Variants in FAM107B observed in about 807,000 individuals in gnomAD.
The protein encoded by FAM107B is protein FAM107B.
FAM107B carries 21 observed loss-of-function variants against 31.5 expected under a neutral mutation model. That is an observed-to-expected ratio of 0.67 (90% confidence interval 0.47 to 0.96). The LOEUF is 0.96. Ranked by LOEUF, FAM107B falls within the 40% of genes least tolerant of loss-of-function variation. The probability of loss-of-function intolerance (pLI) is 0.00; values close to 1 mark genes in which losing one functional copy is unlikely to be tolerated. For missense variants in FAM107B, 452 were observed against 377.1 expected (o/e 1.20, Z -1.64); for synonymous variants, 157 against 141.5 (o/e 1.11, Z -0.78).
intron 2 of FAM107B, among the ~76,000 whole-genome samples, chr10:14,653,476 A>G (rs1473891346): frequency 6.6e-6 from 1 of 152,188 alleles, no homozygotes; most frequent in Non-Finnish European, 1.5e-5. Flanking sequence ...TCAGGAGCAC[A>G]CAGTGGCCTC....
intron 1 of FAM107B, among the ~76,000 whole-genome samples, chr10:14,737,254 GAAAAAGGAGGTGA>G (rs1034357722): frequency 3.5e-4 from 53 of 151,892 alleles, no homozygotes; most frequent in African/African-American, 1.2e-3. Flanking sequence ...GATATGGGGA[GAAAAAGGAGGTGA>G]GAGAGAAAGA....
intron 2 of FAM107B, among the ~76,000 whole-genome samples, chr10:14,607,168 G>A (rs1304016477): frequency 1.3e-5 from 2 of 152,088 alleles, no homozygotes; most frequent in Non-Finnish European, 2.9e-5. Flanking sequence ...CATACTCTGG[G>A]GTATAAATGC....
intron 2 of FAM107B, among the ~76,000 whole-genome samples, chr10:14,601,747 G>A (rs949186504): frequency 4.6e-5 from 7 of 152,154 alleles, no homozygotes; most frequent in Admixed American, 2.6e-4. Flanking sequence ...CAGAATTCTG[G>A]AGGGAAGGGG....
At chr10:14,641,991 C>T (rs1159892644) in intron 2 of FAM107B, among the ~76,000 whole-genome samples, 1 of 152,152 alleles carries the variant, frequency 6.6e-6, no homozygotes, top group Non-Finnish European at 1.5e-5. Flanking sequence ...TACAATTTAT[C>T]CTGAAGCAAA....
At chr10:14,566,046 C>T (rs376661306) in intron 2 of FAM107B, among the ~76,000 whole-genome samples, 3 of 152,310 alleles carry the variant, frequency 2.0e-5, no homozygotes, top group Admixed American at 6.5e-5. Flanking sequence ...CCCTACGCTT[C>T]GTTTAGTGCT....
intron 2 of FAM107B, among the ~76,000 whole-genome samples, chr10:14,611,488 A>ATATATATATATATATATATTTT (rs1852724384): frequency 4.3e-4 from 1 of 2,326 alleles, no homozygotes; most frequent in African/African-American, 1.3e-3. Flanking sequence ...CCAGTTTTAT[A>ATATATATATATATATATATTTT]TATATATATA....
At chr10:14,574,302 G>A (rs893530258) in intron 2 of FAM107B, among the ~76,000 whole-genome samples, 1 of 152,134 alleles carries the variant, frequency 6.6e-6, no homozygotes, top group Non-Finnish European at 1.5e-5. Context: ...TATGCACGGT[G>A]GATATAATCT....
At chr10:14,587,999 AAAAAAG>A (rs1564588746) in intron 2 of FAM107B, among the ~76,000 whole-genome samples, 1 of 152,210 alleles carries the variant, frequency 6.6e-6, no homozygotes, top group African/African-American at 2.4e-5. Flanking sequence ...ATGTATATTT[AAAAAAG>A]ACTATCTAAT....
intron 1 of FAM107B, among the ~76,000 whole-genome samples, chr10:14,669,513 A>T (rs1854492186): frequency 6.6e-6 from 1 of 152,236 alleles, no homozygotes; most frequent in African/African-American, 2.4e-5. Context: ...TCGCCAGATA[A>T]ACGGATAAAT....
chr10:14,571,928 G>C (rs55959406), intron 2 of FAM107B: 65,087 of 985,418 alleles, frequency 0.066, 2,312 homozygotes, highest in Non-Finnish European at 0.072. Context: ...CCTCACCTCA[G>C]TAGATATAGG....
chr10:14,613,707 C>G (rs1488809828), intron 2 of FAM107B, among the ~76,000 whole-genome samples: 1 of 152,208 alleles, frequency 6.6e-6, no homozygotes, highest in African/African-American at 2.4e-5. Context: ...TTCCTTCCGT[C>G]TGCCCCACAC....
intron 2 of FAM107B, among the ~76,000 whole-genome samples, chr10:14,650,011 A>G (rs1588682389): frequency 6.6e-6 from 1 of 152,106 alleles, no homozygotes; most frequent in African/African-American, 2.4e-5. Context: ...TTGGGTCAAC[A>G]CCTGGTCCGA....
rs901879414 is a variant in FAM107B, at chr10:14,762,763, C to T, written c.411+11490G>A. On this transcript the variant is annotated intron_variant, in intron 1 of 4. Coordinates refer to ENST00000181796, the MANE Select transcript of FAM107B (RefSeq NM_031453.4). Reference sequence around the variant, plus strand: ...AGAGTGAAACTCTGTCTCACACACACACACACACACACACACACACACACA... The same window carrying T: ...AGAGTGAAACTCTGTCTCACACACATACACACACACACACACACACACACA... Among the ~76,000 whole-genome samples, 825 of 132,952 alleles carry T rather than the reference C, an allele frequency of 6.2e-3. 5 individuals carry two copies. The highest frequency in any genetic ancestry group is 0.023 in the African/African-American group (771 of 33,730). The allele number at this position is 132,952 out of a possible 152,430, so 87.2% of individuals were successfully genotyped here.
At chr10:14,568,704 G>C (rs888862603) in intron 2 of FAM107B, among the ~76,000 whole-genome samples, 1 of 152,250 alleles carries the variant, frequency 6.6e-6, no homozygotes, top group African/African-American at 2.4e-5. Flanking sequence ...GTTAGACCAG[G>C]AGGTGAAGAT....
chr10:14,743,131 CT>C (rs1194242139), intron 1 of FAM107B, among the ~76,000 whole-genome samples: 1 of 152,106 alleles, frequency 6.6e-6, no homozygotes, highest in African/African-American at 2.4e-5. Flanking sequence ...TGATGTTGAG[CT>C]TTTTTTCATA....
intron 1 of FAM107B, among the ~76,000 whole-genome samples, chr10:14,764,849 G>C (rs1833130614): frequency 6.6e-6 from 1 of 152,190 alleles, no homozygotes; most frequent in Non-Finnish European, 1.5e-5. Flanking sequence ...TTCATCAAGA[G>C]ACTGGAAATT....
At chr10:14,640,165 C>T (rs1368335153) in intron 2 of FAM107B, among the ~76,000 whole-genome samples, 2 of 152,294 alleles carry the variant, frequency 1.3e-5, no homozygotes, top group Admixed American at 6.5e-5. Flanking sequence ...TCACAACCAG[C>T]CTTTGAGATG....
intron 1 of FAM107B, among the ~76,000 whole-genome samples, chr10:14,708,728 T>C (rs545247833): frequency 2.0e-5 from 3 of 152,140 alleles, no homozygotes; most frequent in Non-Finnish European, 4.4e-5. Context: ...GCAGAGCACA[T>C]AGCTGATAAA....
intron 3 of FAM107B, among the ~76,000 whole-genome samples, chr10:14,525,610 G>A (rs1182295847): frequency 6.6e-6 from 1 of 151,968 alleles, no homozygotes; most frequent in East Asian, 1.9e-4. Flanking sequence ...CCAACAGTTG[G>A]GTCTATGTTC....
Sources: gnomAD v4.1 joint callset for allele counts (sites outside exome capture counted in the v4.1 genomes callset) on GRCh38, gnomAD v4.1.1 for gene constraint, MANE v1.5 for transcripts, NCBI Gene and HGNC (gene_info 2026-07-23, HGNC 2026-07-21) for gene names.